The following ACTR5 variants were observed in gnomAD, a reference collection of about 807,000 sequenced individuals.
ACTR5 encodes actin-related protein 5.
In ACTR5, 43 loss-of-function variants were observed where a neutral mutation model predicts 61.2. The ratio of observed to expected loss-of-function variants is 0.70; its 90% CI spans 0.55 to 0.91. ACTR5 has a LOEUF of 0.91. Ranked by LOEUF, ACTR5 falls within the 40% of genes least tolerant of loss-of-function variation. The probability of loss-of-function intolerance (pLI) is 0.00; values close to 1 mark genes in which losing one functional copy is unlikely to be tolerated. For missense variants in ACTR5, 798 were observed against 782.2 expected, an observed-to-expected ratio of 1.02 and a Z score of -0.24; for synonymous variants, 333 against 310.5, an observed-to-expected ratio of 1.07 and a Z score of -0.76.
At chr20:38,760,573 T>C (rs950160094) in intron 5 of ACTR5, among the ~76,000 whole-genome samples, 1 of 152,242 alleles carries the variant, frequency 6.6e-6, no homozygotes, top group African/African-American at 2.4e-5. Context: ...GCATGTGGCA[T>C]GTGCCGACTC....
chr20:38,756,692 G>T (rs531687836), intron 5 of ACTR5, among the ~76,000 whole-genome samples: 1 of 152,322 alleles, frequency 6.6e-6, no homozygotes, highest in South Asian at 2.1e-4. Context: ...ATTATCTGAG[G>T]TCAGGAGTTC....
chr20:38,755,031 C>T lies in ACTR5; in HGVS notation c.850C>T (p.Leu284Phe), dbSNP rs2084411220. 1 of 1,614,244 alleles carries T rather than the reference C, an allele frequency of 6.2e-7. No individual in the cohort carries two copies. Among genetic ancestry groups the T allele is most frequent in the Non-Finnish European group, 8.5e-7 (1 of 1,180,052 alleles). ...GATGCAGCTCCCATTTTCCAGCAAGCTCCTGGGCAGCACTCTGACCTCTGA... is the reference window on the plus strand; with the variant it reads ...GATGCAGCTCCCATTTTCCAGCAAGTTCCTGGGCAGCACTCTGACCTCTGA... ...HKMQLPFSSK[L>F]LGSTLTSEEK... Residue 284 changes from leucine to phenylalanine, a missense_variant, in exon 4 of 9, where the codon CTC becomes TTC. By Grantham distance (22) the Leu-to-Phe change is conservative. Coordinates refer to ENST00000243903, the MANE Select transcript of ACTR5 (RefSeq NM_024855.4).
intron 8 of ACTR5, 84 bp downstream of exon 8, chr20:38,767,680 T>C (rs2084496378): frequency 2.1e-6 from 3 of 1,455,304 alleles, no homozygotes; most frequent in Non-Finnish European, 2.8e-6. Context: ...TGCAGAAATA[T>C]CCACTGTTAA....
chr20:38,753,004 T>C (rs62202466), intron 3 of ACTR5, among the ~76,000 whole-genome samples: 26,563 of 152,178 alleles, frequency 0.17, 2,272 homozygotes, highest in Admixed American at 0.19. Flanking sequence ...TGAAGAGCTG[T>C]GTTTTAATTA....
chr20:38,749,265 GTTA>G (rs1464558063), intron 1 of ACTR5, among the ~76,000 whole-genome samples: 1 of 152,196 alleles, frequency 6.6e-6, no homozygotes, highest in African/African-American at 2.4e-5. Context: ...AGAGGAGGGA[GTTA>G]CATTTTTTCA....
In ACTR5 at chr20:38,767,543, G is replaced by A; in HGVS notation, c.1513G>A (p.Ala505Thr). 1 of 1,614,160 alleles carries A rather than the reference G, an allele frequency of 6.2e-7. No individual in the cohort carries two copies. Among genetic ancestry groups the A allele is most frequent in the Non-Finnish European group, 8.5e-7 (1 of 1,180,004 alleles). The change falls in exon 8 of 9, where the codon GCC (alanine) becomes ACC (threonine). Residue 505 changes from alanine to threonine, a missense_variant. Physicochemically the swap from Ala to Thr is moderately conservative, Grantham distance 58 (BLOSUM62 0). Transcript: ENST00000243903. Reference protein sequence around the residue: ...GGNTMYPGMKARMEKELLEMR... With the variant: ...GGNTMYPGMKTRMEKELLEMR... ...CAACACGATGTATCCTGGCATGAAA[G>A]CCAGAATGGAGAAGGAACTGTTGGA...
At chr20:38,761,754 C>G (rs1251105409) in intron 5 of ACTR5, 1 of 153,780 alleles carries the variant, frequency 6.5e-6, no homozygotes. Context: ...AACCTCCAAA[C>G]AAGCGCTCAA....
Position 38,755,120 on chromosome 20 carries a change from G to A in ACTR5, c.939G>A (p.Arg313=), listed in dbSNP as rs944295614. ...TGCAGGAGCTCAATGCCCGGCGGCG[G>A]GAGGAGAAGCTGCAGCTGGATCAGG... ...RRLQELNARR[R]EEKLQLDQER... Residue 313 remains arginine, a synonymous_variant, in exon 4 of 9, where the codon CGG becomes CGA. Transcript: ENST00000243903. 3 of 1,613,888 alleles carry A rather than the reference G, an allele frequency of 1.9e-6. No individual in the cohort carries two copies. Among genetic ancestry groups the A allele is most frequent in the Non-Finnish European group, 1.7e-6 (2 of 1,179,968 alleles).
intron 5 of ACTR5, among the ~76,000 whole-genome samples, chr20:38,761,000 G>A (rs576852975): frequency 3.9e-5 from 6 of 152,086 alleles, no homozygotes; most frequent in African/African-American, 1.4e-4. Context: ...TTTTGTTTTG[G>A]GAACTCCTGG....
At position 38,752,312 on chromosome 20, in the gene ACTR5, G is replaced by A. The variant is rs770133764; in HGVS notation, c.775+12G>A. The stretch of plus-strand genomic sequence containing the variant: ...GGATTATGTGGAAGGTATCCAAGAG[G>A]ATGTTTGCCTGCAGCTTTTGGGTGT... On this transcript the variant is annotated intron_variant, in intron 3 of 8. Coordinates refer to ENST00000243903, the MANE Select transcript of ACTR5 (RefSeq NM_024855.4). 1 of 1,576,948 alleles carries A rather than the reference G, an allele frequency of 6.3e-7. No individual in the cohort carries two copies. The highest frequency in any genetic ancestry group is 8.7e-7 in the Non-Finnish European group (1 of 1,154,882).
intron 5 of ACTR5, among the ~76,000 whole-genome samples, chr20:38,757,757 A>T (rs755931600): frequency 4.6e-5 from 7 of 150,662 alleles, no homozygotes; most frequent in Non-Finnish European, 8.8e-5. Context: ...ACAGTACATG[A>T]GTGTATGCTT....
chr20:38,748,711 C>T lies in ACTR5; in HGVS notation c.233C>T (p.Pro78Leu), dbSNP rs2084367523. The T allele has an allele frequency of 2.0e-6, 3 of 1,538,308 alleles. No homozygotes were observed. The highest frequency in any genetic ancestry group is 2.6e-6 in the Non-Finnish European group (3 of 1,144,346). The change falls in exon 1 of 9, where the codon CCG (proline) becomes CTG (leucine). Residue 78 changes from proline (P) to leucine (L), a missense_variant. Transcript: ENST00000243903. ...GRGGARGASG[P>L]QVGNALGSLE... ...GGCGGGGCACGGGGCGCGTCGGGCC[C>T]GCAGGTGGGGAACGCTCTGGGCAGC...
intron 4 of ACTR5, among the ~76,000 whole-genome samples, 165 bp from the exon 5 acceptor site, chr20:38,755,692 G>A (rs796815394): frequency 1.1e-4 from 17 of 152,188 alleles, no homozygotes; most frequent in African/African-American, 4.1e-4. Flanking sequence ...TGCAATGCTA[G>A]CCTAGAGACA....
intron 6 of ACTR5, 119 bp from the exon 7 acceptor site, chr20:38,766,119 T>C (rs2084484865): frequency 1.8e-6 from 2 of 1,117,042 alleles, no homozygotes; most frequent in South Asian, 3.1e-5. Flanking sequence ...GGAGAAGCTA[T>C]ACTGGCATTA....
In ACTR5 at chr20:38,767,597, G is replaced by A. The variant is rs1198957736; in HGVS notation, c.1566+1G>A. The A allele has an allele frequency of 1.2e-6, 2 of 1,603,696 alleles. No individual in the cohort carries two copies. The highest frequency in any genetic ancestry group is 1.7e-5 in the Admixed American group (1 of 58,250). ...GAGACCCTTCCGGTCTTCTTTTCAG[G>A]TACTGATTGTTCGAGTAGTCAATTA... is the stretch of plus-strand genomic sequence containing the variant. On this transcript the variant is annotated splice_donor_variant, in intron 8 of 8. Transcript: ENST00000243903. LOFTEE classifies it high-confidence loss of function.
rs115337651 is a variant in ACTR5 at position 38,760,756 on chromosome 20, G to A, written c.1177-4646G>A. 7.2e-3 allele frequency among the ~76,000 whole-genome samples: 1,089 copies of A among 152,264 alleles called. 12 individuals are homozygous for A. Among genetic ancestry groups the A allele is most frequent in the African/African-American group, 0.025 (1,040 of 41,534 alleles). ...CAGTTCAATTCCAGATTCCACCCTT[G>A]TAACCCTTAGGCTGTATTGAAAGGC... On this transcript the variant is annotated intron_variant, in intron 5 of 8. Coordinates refer to ENST00000243903, the MANE Select transcript of ACTR5 (RefSeq NM_024855.4).
chr20:38,763,062 A>G (rs1249955053), intron 5 of ACTR5, among the ~76,000 whole-genome samples: 2 of 152,188 alleles, frequency 1.3e-5, no homozygotes, highest in Non-Finnish European at 2.9e-5. Flanking sequence ...AGCAGCTCAG[A>G]GTGTACTGTT....
At chr20:38,749,950 T>C (rs2145662327) in intron 1 of ACTR5, 60 bp from the exon 2 acceptor site, 12 of 1,483,978 alleles carry the variant, frequency 8.1e-6, no homozygotes, top group African/African-American at 1.4e-5. Flanking sequence ...TGGGTTCTTT[T>C]ATGCTTCAAA....
Position 38,748,751 on chromosome 20 carries a change from C to G in ACTR5, c.273C>G (p.Arg91=), listed in dbSNP as rs772673634. 3.9e-5 allele frequency: 62 copies of G among 1,597,604 alleles called. No homozygotes were observed. Among genetic ancestry groups the G allele is most frequent in the South Asian group, 2.4e-4 (21 of 89,062 alleles). ...CTCTGGGCAGCCTGGAGCCACTGCGCTGGATGCTGCGCTCGCCCTTCGACC... is the reference window on the plus strand; with the variant it reads ...CTCTGGGCAGCCTGGAGCCACTGCGGTGGATGCTGCGCTCGCCCTTCGACC... ...GNALGSLEPL[R]WMLRSPFDRN... is the part of the protein sequence containing the mutation. Residue 91 remains arginine (R), a synonymous_variant, in exon 1 of 9, where the codon CGC becomes CGG. Transcript: ENST00000243903.
Sources: allele counts gnomAD v4.1 joint callset (sites outside exome capture counted in the v4.1 genomes callset), GRCh38; gene constraint gnomAD v4.1.1; transcripts MANE v1.5; gene names NCBI Gene and HGNC (gene_info 2026-07-23, HGNC 2026-07-21).